The following NALF1 variants were observed in gnomAD, a reference collection of about 807,000 sequenced individuals.
The protein encoded by NALF1 is family with sequence similarity 155 member A.
A neutral mutation model predicts 48.4 loss-of-function variants in NALF1; 3 were observed. That is an observed-to-expected ratio of 0.06 (90% confidence interval 0.03 to 0.16). The LOEUF is 0.16. NALF1 is among the 10% of genes least tolerant of loss of function. NALF1 has a pLI of 1.00. For missense variants in NALF1, 526 were observed against 571.5 expected (o/e 0.92, Z 0.81); for synonymous variants, 262 against 245.7 (o/e 1.07, Z -0.62).
At position 107,607,934 on chromosome 13, in the gene NALF1, C is replaced by T. The variant is rs188427052; in HGVS notation, c.915+257748G>A. On this transcript the variant is annotated intron_variant, in intron 1 of 2. Transcript: ENST00000375915. ...TAATCTTCCTCTACAGAAGGATGAG[C>T]GTTCTGTCATGGACTTCACTGTCTA... is the stretch of plus-strand genomic sequence containing the variant. Among the ~76,000 whole-genome samples the T allele has an allele frequency of 1.4e-3, 207 of 152,274 alleles. 1 individual carries two copies. Among genetic ancestry groups the T allele is most frequent in the African/African-American group, 4.7e-3 (195 of 41,550 alleles).
chr13:107,776,696 G>A (rs1488009894), intron 1 of NALF1, among the ~76,000 whole-genome samples: 4 of 152,210 alleles, frequency 2.6e-5, no homozygotes, highest in Non-Finnish European at 4.4e-5. Context: ...ATTTTAGGAT[G>A]TACAAAAATG....
chr13:107,240,132 C>T (rs1310515186), intron 1 of NALF1, among the ~76,000 whole-genome samples: 1 of 152,118 alleles, frequency 6.6e-6, no homozygotes, highest in Non-Finnish European at 1.5e-5. Context: ...TATGCTGAAG[C>T]CTTAAGCCCC....
At chr13:107,305,713 T>G (rs1881923660) in intron 1 of NALF1, among the ~76,000 whole-genome samples, 1 of 152,206 alleles carries the variant, frequency 6.6e-6, no homozygotes, top group African/African-American at 2.4e-5. Context: ...AAATGAATCT[T>G]ACAGACTTTA....
chr13:107,448,135 T>C (rs998419641), intron 1 of NALF1, among the ~76,000 whole-genome samples: 3 of 152,150 alleles, frequency 2.0e-5, no homozygotes, highest in African/African-American at 7.2e-5. Context: ...CTTTCTGCTC[T>C]TTCTTGAGTT....
chr13:107,738,983 G>T (rs1266832776), intron 1 of NALF1, among the ~76,000 whole-genome samples: 1 of 152,148 alleles, frequency 6.6e-6, no homozygotes, highest in Non-Finnish European at 1.5e-5. Flanking sequence ...AATTTTCAAT[G>T]AGAAAACTGA....
intron 1 of NALF1, among the ~76,000 whole-genome samples, chr13:107,741,342 A>G (rs769405711): frequency 2.0e-5 from 3 of 152,238 alleles, no homozygotes; most frequent in Non-Finnish European, 1.5e-5. Context: ...CAAAGAAAAC[A>G]ATGATCAATG....
intron 1 of NALF1, among the ~76,000 whole-genome samples, chr13:107,679,392 G>GA (rs1435075401): frequency 2.0e-5 from 3 of 152,152 alleles, no homozygotes; most frequent in African/African-American, 7.2e-5. Flanking sequence ...TATAATAGTT[G>GA]CTCAATAAAT....
chr13:107,353,153 C>T (rs960644305), intron 1 of NALF1, among the ~76,000 whole-genome samples: 13 of 152,226 alleles, frequency 8.5e-5, no homozygotes, highest in South Asian at 6.2e-4. Flanking sequence ...CACTTCCCTA[C>T]GGAAAAGGGT....
chr13:107,314,496 G>C (rs1235456877), intron 1 of NALF1, among the ~76,000 whole-genome samples: 1 of 151,878 alleles, frequency 6.6e-6, no homozygotes, highest in African/African-American at 2.4e-5. Context: ...TTTTCCTTTA[G>C]ATCCTACATT....
At chr13:107,767,215 G>A (rs1422027038) in intron 1 of NALF1, among the ~76,000 whole-genome samples, 1 of 152,202 alleles carries the variant, frequency 6.6e-6, no homozygotes. Context: ...TACAACATGT[G>A]ACCTTTTAGG....
At chr13:107,273,937 G>A (rs991866589) in intron 1 of NALF1, among the ~76,000 whole-genome samples, 24 of 152,134 alleles carry the variant, frequency 1.6e-4, no homozygotes, top group African/African-American at 4.8e-4. Flanking sequence ...GAGAGGAATC[G>A]TCATGCTCAT....
intron 1 of NALF1, among the ~76,000 whole-genome samples, chr13:107,799,612 T>C (rs1249975914): frequency 6.6e-6 from 1 of 152,230 alleles, no homozygotes; most frequent in East Asian, 1.9e-4. Context: ...TTGTTTTGCT[T>C]ATAATAAATC....
In NALF1 at chr13:107,170,434, G is replaced by A. The variant is rs912260152; in HGVS notation, c.*63C>T. 3.0e-5 allele frequency: 45 copies of A among 1,508,106 alleles called. No homozygotes were observed. In the Admixed American group the frequency reaches 8.1e-4, roughly 27 times the overall value. 93.4% of individuals were successfully genotyped at this position (1,508,106 alleles called of 1,614,324 possible). On this transcript the variant is annotated 3_prime_UTR_variant, in exon 3 of 3. Transcript: ENST00000375915. ...TAAAAGCACCCAGTTTCTGTTACAT[G>A]AGACAGCAGTTGCCATTTTTCACGG... is the stretch of plus-strand genomic sequence containing the variant.
intron 1 of NALF1, among the ~76,000 whole-genome samples, chr13:107,628,802 A>C (rs116280370): frequency 0.013 from 2,029 of 152,288 alleles, 39 homozygotes; most frequent in African/African-American, 0.046. Flanking sequence ...AATTTTTAAT[A>C]ATCATGGCAT....
intron 1 of NALF1, among the ~76,000 whole-genome samples, chr13:107,222,023 G>A (rs908818615): frequency 6.6e-6 from 1 of 152,132 alleles, no homozygotes; most frequent in Non-Finnish European, 1.5e-5. Flanking sequence ...TGTGCGTTTT[G>A]CTTTAGAGTG....
At chr13:107,710,808 T>C (rs1173817098) in intron 1 of NALF1, among the ~76,000 whole-genome samples, 1 of 64,052 alleles carries the variant, frequency 1.6e-5, no homozygotes, top group South Asian at 5.5e-4. Flanking sequence ...TATATATACA[T>C]ATATGTGTAT....
intron 2 of NALF1, among the ~76,000 whole-genome samples, chr13:107,203,974 A>G (rs1879577742): frequency 6.6e-6 from 1 of 152,066 alleles, no homozygotes; most frequent in Non-Finnish European, 1.5e-5. Flanking sequence ...CTGCTCTCCA[A>G]CAAGTGTCAC....
At chr13:107,630,432 C>G (rs907711325) in intron 1 of NALF1, among the ~76,000 whole-genome samples, 1 of 152,086 alleles carries the variant, frequency 6.6e-6, no homozygotes, top group African/African-American at 2.4e-5. Context: ...TATCACCCCC[C>G]GTCCAGCAAA....
chr13:107,821,647 G>C (rs1164418691), intron 1 of NALF1, among the ~76,000 whole-genome samples: 1 of 152,188 alleles, frequency 6.6e-6, no homozygotes, highest in African/African-American at 2.4e-5. Flanking sequence ...TCACAGACCA[G>C]AGGAGACTGG....
Sources: gnomAD v4.1 joint callset for allele counts (sites outside exome capture counted in the v4.1 genomes callset) on GRCh38, gnomAD v4.1.1 for gene constraint, MANE v1.5 for transcripts, NCBI Gene and HGNC (gene_info 2026-07-23, HGNC 2026-07-21) for gene names.